The following RIMBP2 variants were observed in gnomAD, a reference collection of about 807,000 sequenced individuals.
RIMBP2 encodes RIMS-binding protein 2.
A neutral mutation model predicts 118.6 loss-of-function variants in RIMBP2; 48 were observed. The observed-to-expected ratio is 0.40, with a 90% confidence interval of 0.32 to 0.51. RIMBP2 has a LOEUF of 0.51. RIMBP2 is among the 20% of genes least tolerant of loss of function. The pLI is 0.41. For synonymous variants in RIMBP2, 762 were observed against 742.9 expected (o/e 1.03, Z -0.42); for missense variants, 1,551 against 1,768.3 (o/e 0.88, Z 2.20).
intron 2 of RIMBP2, among the ~76,000 whole-genome samples, chr12:130,520,672 C>CAAAAA (rs1162018669): frequency 5.8e-5 from 4 of 68,824 alleles, no homozygotes; most frequent in Non-Finnish European, 8.3e-5. Flanking sequence ...AACTCCATCT[C>CAAAAA]AAAAAAAAAA....
At position 130,406,209 on chromosome 12, in the gene RIMBP2, GTAA is replaced by G; in HGVS notation, c.3725_3727del (p.Ile1242del). 6.2e-7 allele frequency: 1 copy of G among 1,603,372 alleles called. No individual in the cohort carries two copies. The highest frequency in any genetic ancestry group is 8.5e-7 in the Non-Finnish European group (1 of 1,172,252). ...ATCTTCATCAATTTCACCAAAAACT[GTAA>G]TAATATCTCCTGTGCAAAATGTAAG... On this transcript the variant is annotated inframe_deletion, in exon 21 of 23. Transcript: ENST00000690449.
chr12:130,684,142 C>T (rs754689892), intron 1 of RIMBP2, among the ~76,000 whole-genome samples: 2 of 152,178 alleles, frequency 1.3e-5, no homozygotes, highest in Non-Finnish European at 2.9e-5. Flanking sequence ...TGAACCCAGA[C>T]ACCCCTTTCT....
At chr12:130,445,135 G>C (rs775976906) in intron 10 of RIMBP2, 25 bp downstream of exon 10, 2 of 1,505,270 alleles carry the variant, frequency 1.3e-6, no homozygotes, top group African/African-American at 1.4e-5. Context: ...GCCTACGTCC[G>C]CCACAGCCAT....
At chr12:130,648,995 T>C (rs12311515) in intron 1 of RIMBP2, among the ~76,000 whole-genome samples, 23,903 of 144,928 alleles carry the variant, frequency 0.16, 4,474 homozygotes, top group African/African-American at 0.26. Context: ...GGTTAAATAC[T>C]GTGGGCCCTG....
chr12:130,613,517 C>A (rs569308887), intron 2 of RIMBP2, among the ~76,000 whole-genome samples: 498 of 152,204 alleles, frequency 3.3e-3, no homozygotes, highest in Non-Finnish European at 5.5e-3. Flanking sequence ...TTCCTTTCTT[C>A]GGTAAAGATT....
chr12:130,704,311 C>A (rs1243960212), intron 1 of RIMBP2, among the ~76,000 whole-genome samples: 1 of 152,208 alleles, frequency 6.6e-6, no homozygotes, highest in Non-Finnish European at 1.5e-5. Context: ...GGTGGTGGTT[C>A]ATGCCTGTAA....
At chr12:130,682,817 G>A (rs2064861333) in intron 1 of RIMBP2, among the ~76,000 whole-genome samples, 1 of 152,194 alleles carries the variant, frequency 6.6e-6, no homozygotes, top group South Asian at 2.1e-4. Context: ...CCAAAGCCGT[G>A]CTCACAAGGG....
intron 2 of RIMBP2, among the ~76,000 whole-genome samples, chr12:130,546,725 C>T (rs897775379): frequency 1.3e-5 from 2 of 152,218 alleles, no homozygotes; most frequent in Non-Finnish European, 2.9e-5. Flanking sequence ...TGGCAGCCCA[C>T]CAGGCTGCGC....
At chr12:130,521,395 C>T (rs1395395544) in intron 2 of RIMBP2, among the ~76,000 whole-genome samples, 3 of 152,166 alleles carry the variant, frequency 2.0e-5, no homozygotes, top group South Asian at 2.1e-4. Context: ...TGGCACTAGC[C>T]GTGACAGTTC....
intron 4 of RIMBP2, among the ~76,000 whole-genome samples, chr12:130,502,585 A>G (rs2049905923): frequency 6.6e-6 from 1 of 152,098 alleles, no homozygotes; most frequent in Non-Finnish European, 1.5e-5. Context: ...AGGTCTAGGG[A>G]AGCCTCCTGG....
intron 2 of RIMBP2, among the ~76,000 whole-genome samples, chr12:130,520,596 C>T (rs12825396): frequency 0.067 from 9,548 of 142,824 alleles, 416 homozygotes; most frequent in South Asian, 0.17. Context: ...CACTTGAACC[C>T]GGGAGGCAGA....
Position 130,434,695 on chromosome 12 carries a change from C to T in RIMBP2, c.2253+39G>A. ...CCACGGGGCCCGCTCCGAGCCCGCGCCCACCAGGAGGATGGTGTGGGGCCC... is the reference window on the plus strand; with the variant it reads ...CCACGGGGCCCGCTCCGAGCCCGCGTCCACCAGGAGGATGGTGTGGGGCCC... On this transcript the variant is annotated intron_variant, in intron 14 of 22. Transcript: ENST00000690449. The surrounding 1 kb of genome is among the most constrained non-coding windows in gnomAD (Gnocchi z 5.7). 1 of 1,586,642 alleles carries T rather than the reference C, an allele frequency of 6.3e-7. No homozygotes were observed. Among genetic ancestry groups the T allele is most frequent in the Non-Finnish European group, 8.6e-7 (1 of 1,167,676 alleles).
rs149137105 is a variant in RIMBP2 at position 130,523,128 on chromosome 12, CCT to C, written c.-216-5213_-216-5212del. Among the ~76,000 whole-genome samples, 379 of 147,486 alleles carry C rather than the reference CCT, an allele frequency of 2.6e-3. No homozygotes were observed. Among genetic ancestry groups the C allele is most frequent in the Middle Eastern group, 3.5e-3 (1 of 286 alleles). ...TTCTGTCTCTCCCAGTCTCACTCTG[CCT>C]CTCTCTCTCTCTCTGCCTCCATGTC... On this transcript the variant is annotated intron_variant, in intron 2 of 22. Coordinates refer to ENST00000690449, the MANE Select transcript of RIMBP2 (RefSeq NM_001393629.1). This position sits in a 1 kb window ranked among gnomAD's most constrained non-coding sequence, Gnocchi z 4.4.
intron 2 of RIMBP2, among the ~76,000 whole-genome samples, chr12:130,611,403 G>A (rs1468726965): frequency 6.6e-6 from 1 of 152,176 alleles, no homozygotes; most frequent in Non-Finnish European, 1.5e-5. Context: ...GGATATTGGG[G>A]GCCCTTTTGT....
chr12:130,701,618 G>A (rs964107590), intron 1 of RIMBP2, among the ~76,000 whole-genome samples: 3 of 152,138 alleles, frequency 2.0e-5, no homozygotes, highest in Non-Finnish European at 4.4e-5. Context: ...CAAGGAAGGC[G>A]TGAGACTGTG....
At position 130,703,559 on chromosome 12, in the gene RIMBP2, G is replaced by A. The variant is rs907152542; in HGVS notation, c.-352+12663C>T. Among the ~76,000 whole-genome samples the A allele has an allele frequency of 2.0e-5, 3 of 152,286 alleles. No individual in the cohort carries two copies. Among genetic ancestry groups the A allele is most frequent in the African/African-American group, 7.2e-5 (3 of 41,570 alleles). ...AGGGCTGAGCCGCAGTCTGAGGGCC[G>A]GGCCCTGGCATGGGCTCCATCAGAT... On this transcript the variant is annotated intron_variant, in intron 1 of 22. Coordinates refer to ENST00000690449, the MANE Select transcript of RIMBP2 (RefSeq NM_001393629.1). The surrounding 1 kb of genome is among the most constrained non-coding windows in gnomAD (Gnocchi z 5.7).
chr12:130,518,982 A>G (rs1221942879), intron 2 of RIMBP2, among the ~76,000 whole-genome samples: 1 of 152,248 alleles, frequency 6.6e-6, no homozygotes, highest in Admixed American at 6.5e-5. Flanking sequence ...TTCCAAAAGG[A>G]AGAGAAGCAG....
In RIMBP2 at chr12:130,451,140, C is replaced by T. The variant is rs1300150488; in HGVS notation, c.504+55G>A. 5.7e-6 allele frequency: 9 copies of T among 1,584,612 alleles called. No individual in the cohort carries two copies. In the African/African-American group the frequency reaches 1.1e-4, roughly 19 times the overall value. On this transcript the variant is annotated intron_variant, in intron 8 of 22. Coordinates refer to ENST00000690449, the MANE Select transcript of RIMBP2 (RefSeq NM_001393629.1). ...AACAGGACAAACTGGCCAACGTCCA[C>T]ACCAGACACACACAGCACAGGCAGC...
intron 3 of RIMBP2, among the ~76,000 whole-genome samples, chr12:130,513,137 C>T (rs188040739): frequency 4.6e-5 from 7 of 152,224 alleles, no homozygotes; most frequent in African/African-American, 1.7e-4. Flanking sequence ...AAATTCTGAC[C>T]CATGCTACAG....
Sources: gnomAD v4.1 joint callset for allele counts (sites outside exome capture counted in the v4.1 genomes callset) on GRCh38, gnomAD v4.1.1 for gene constraint, Gnocchi (gnomAD v3.1) non-coding constraint, MANE v1.5 for transcripts, NCBI Gene and HGNC (gene_info 2026-07-23, HGNC 2026-07-21) for gene names.